MZT2A: variants seen among roughly 807,000 people sequenced by gnomAD.
MZT2A encodes the protein mitotic spindle organizing protein 2A.
MZT2A carries 8 observed loss-of-function variants against 12.4 expected under a neutral mutation model. The ratio of observed to expected loss-of-function variants is 0.64; its 90% CI spans 0.38 to 1.16. The LOEUF (loss-of-function observed/expected upper bound fraction) is 1.16. Among genes scored for constraint, MZT2A ranks in the 50% most tolerant of loss-of-function variants. The probability of loss-of-function intolerance (pLI) is 0.01; values close to 1 mark genes in which losing one functional copy is unlikely to be tolerated. For synonymous variants in MZT2A, 88 were observed against 107.5 expected, an observed-to-expected ratio of 0.82 and a Z score of 1.12; for missense variants, 181 against 223.6, an observed-to-expected ratio of 0.81 and a Z score of 1.22.
chr2:131,476,937 A>C (rs1265676929), intron 2 of MZT2A, among the ~76,000 whole-genome samples: 2,104 of 122,936 alleles, frequency 0.017, 107 homozygotes, highest in African/African-American at 0.08. Flanking sequence ...CCTCAAAGAC[A>C]CAAACAAAAA....
intron 2 of MZT2A, among the ~76,000 whole-genome samples, chr2:131,489,201 CTTT>C (rs397873005): frequency 6.9e-6 from 1 of 145,634 alleles, no homozygotes. Flanking sequence ...CCTTTCTTTT[CTTT>C]TTTTTTTTTT....
At chr2:131,471,911 G>C (rs1704994364) in intron 3 of MZT2A, among the ~76,000 whole-genome samples, 1 of 152,204 alleles carries the variant, frequency 6.6e-6, no homozygotes, top group Non-Finnish European at 1.5e-5. Flanking sequence ...GCACAGCAGG[G>C]GCCCTAGAAC....
intron 2 of MZT2A, among the ~76,000 whole-genome samples, chr2:131,488,837 G>A (rs545864417): frequency 2.6e-5 from 4 of 152,066 alleles, no homozygotes; most frequent in Admixed American, 1.3e-4. Flanking sequence ...CACAGCCCTC[G>A]AGAAACAAAT....
Position 131,491,165 on chromosome 2 carries a change from T to C in MZT2A, c.319+711A>G, listed in dbSNP as rs1335239479. 1.3e-5 allele frequency: 7 copies of C among 540,240 alleles called. No homozygotes were observed. The East Asian group carries it at 1.4e-4, about 11-fold the overall frequency. The allele number at this position is 540,240 out of a possible 1,614,324, so 33.5% of individuals were successfully genotyped here. ...AGAGCCATCGGGAGCAGAAGCAACA[T>C]GCGGAGAGGATGAGCAGGGACGGAG... On this transcript the variant is annotated intron_variant, in intron 2 of 2. Coordinates refer to ENST00000309451, the MANE Select transcript of MZT2A (RefSeq NM_001085365.2).
chr2:131,469,807 C>CTA (rs1344622964), intron 4 of MZT2A: 2 of 136,076 alleles, frequency 1.5e-5, no homozygotes, highest in Non-Finnish European at 2.9e-5. Flanking sequence ...TTCCTCCCCC[C>CTA]CTTTTTTTTT....
At chr2:131,470,070 C>T (rs1271162090) in intron 4 of MZT2A, 1 of 367,570 alleles carries the variant, frequency 2.7e-6, no homozygotes, top group Non-Finnish European at 5.4e-6. Flanking sequence ...TCCCAAAGTG[C>T]TGGGATTACA....
intron 3 of MZT2A, among the ~76,000 whole-genome samples, chr2:131,471,737 T>C (rs566391771): frequency 6.6e-6 from 1 of 151,202 alleles, no homozygotes; most frequent in East Asian, 1.9e-4. Context: ...CGTTCCTCAT[T>C]CAGAATGGGC....
At chr2:131,480,475 C>T (rs990896644), downstream of MZT2A, 6 of 1,588,282 alleles carry the variant, frequency 3.8e-6, 1 homozygote, top group Admixed American at 3.4e-5. Context: ...AACCTAGTGC[C>T]GTACCCCCGC....
intron 2 of MZT2A, among the ~76,000 whole-genome samples, chr2:131,485,423 C>T (rs1679015670): frequency 6.6e-6 from 1 of 152,192 alleles, no homozygotes; most frequent in African/African-American, 2.4e-5. Context: ...AGCCAAATTC[C>T]TTGCACCCTC....
At chr2:131,480,907 TTTC>T (rs1678841705), downstream of MZT2A, among the ~76,000 whole-genome samples, 1 of 145,900 alleles carries the variant, frequency 6.9e-6, no homozygotes, top group South Asian at 2.1e-4. Flanking sequence ...GATTCAGTGA[TTTC>T]TTTTTTTTTT....
In MZT2A at chr2:131,485,105, C is replaced by T. The variant is rs369250902; in HGVS notation, c.320-887G>A. Among the ~76,000 whole-genome samples the T allele has an allele frequency of 5.7e-4, 87 of 152,148 alleles. 3 individuals carry two copies. The South Asian group carries it at 0.016, about 27-fold the overall frequency. Reference sequence around the variant, plus strand: ...GCCCGTGGGGTCACAGCCCCCCATGCGGAGTGCCTTGGCCAGGGCTCTCCC... The same window carrying T: ...GCCCGTGGGGTCACAGCCCCCCATGTGGAGTGCCTTGGCCAGGGCTCTCCC... On this transcript the variant is annotated intron_variant, in intron 2 of 2. Coordinates refer to ENST00000309451, the MANE Select transcript of MZT2A (RefSeq NM_001085365.2).
At chr2:131,490,474 G>A (rs1679246225) in intron 2 of MZT2A, 1 of 1,399,188 alleles carries the variant, frequency 7.1e-7, no homozygotes, top group Non-Finnish European at 9.3e-7. Context: ...CGCCTCTGGG[G>A]TGTGGGGATG....
chr2:131,480,330 T>C (rs1438279800), downstream of MZT2A: 1 of 1,612,516 alleles, frequency 6.2e-7, no homozygotes, highest in South Asian at 1.1e-5. Flanking sequence ...CTATGACATA[T>C]GTCGGCGCAA....
At chr2:131,479,309 T>C (rs1454583768), downstream of MZT2A, 6 of 1,613,818 alleles carry the variant, frequency 3.7e-6, no homozygotes, top group East Asian at 1.3e-4. Flanking sequence ...CTTTTGCAGA[T>C]GAAGTGCGCA....
chr2:131,480,861 A>G (rs1678839679), downstream of MZT2A: 6 of 1,436,556 alleles, frequency 4.2e-6, no homozygotes, highest in Non-Finnish European at 5.6e-6. Flanking sequence ...TGGGCTAGGC[A>G]TGTGGGCATA....
At chr2:131,489,777 T>G (rs1253200031) in intron 2 of MZT2A, 6 of 798,574 alleles carry the variant, frequency 7.5e-6, no homozygotes, top group African/African-American at 1.9e-5. Context: ...CTTCCCGAAG[T>G]GCTGGGATTA....
chr2:131,479,288 A>G (rs201488252), downstream of MZT2A: 60 of 1,612,392 alleles, frequency 3.7e-5, no homozygotes, highest in Middle Eastern at 4.9e-4. Context: ...AATTCACAGC[A>G]CACACTGTCT....
At chr2:131,478,316 C>T in intron 2 of MZT2A, 1 of 1,614,018 alleles carries the variant, frequency 6.2e-7, no homozygotes, top group Non-Finnish European at 8.5e-7. Flanking sequence ...TCAACACGTT[C>T]TTCAGTGAGA....
chr2:131,492,504 G>A (rs1008514015), upstream of MZT2A: 8 of 1,127,590 alleles, frequency 7.1e-6, no homozygotes, highest in East Asian at 5.6e-5. Context: ...GGGAGCGCGG[G>A]GACGGGGCCG....
Sources: allele counts gnomAD v4.1 joint callset (sites outside exome capture counted in the v4.1 genomes callset), GRCh38; gene constraint gnomAD v4.1.1; transcripts MANE v1.5; gene names NCBI Gene and HGNC (gene_info 2026-07-23, HGNC 2026-07-21).